Variants in SPINK8 observed in about 807,000 individuals in gnomAD.
The protein encoded by SPINK8 is serine peptidase inhibitor Kazal type 8 (putative).
Under a neutral mutation model 14.4 loss-of-function variants are expected in SPINK8, and 12 were observed. That is an observed-to-expected ratio of 0.83 (90% CI 0.53 to 1.35). The LOEUF is 1.35. Among genes scored for constraint, SPINK8 ranks in the 40% most tolerant of loss-of-function variants. SPINK8 has a pLI of 0.00. For synonymous variants in SPINK8, 32 were observed against 37.6 expected, an observed-to-expected ratio of 0.85 and a Z score of 0.55; for missense variants, 103 against 117.0, an observed-to-expected ratio of 0.88 and a Z score of 0.55.
At chr3:48,313,563 C>T (rs1272856564) in intron 6 of SPINK8, among the ~76,000 whole-genome samples, 1 of 152,168 alleles carries the variant, frequency 6.6e-6, no homozygotes, top group African/African-American at 2.4e-5. Context: ...GATGGTTCCT[C>T]AAAAAGTTAA....
chr3:48,320,358 G>C (rs575763682), intron 5 of SPINK8, among the ~76,000 whole-genome samples: 9 of 152,184 alleles, frequency 5.9e-5, no homozygotes, highest in Middle Eastern at 3.4e-3. Flanking sequence ...GACCAGCCTG[G>C]CCAACATGGT....
intron 4 of SPINK8, among the ~76,000 whole-genome samples, chr3:48,324,411 T>C (rs2107106160): frequency 6.6e-6 from 1 of 152,288 alleles, no homozygotes; most frequent in Non-Finnish European, 1.5e-5. Flanking sequence ...CAAAATTATG[T>C]CATCTACAAA....
intron 6 of SPINK8, among the ~76,000 whole-genome samples, chr3:48,317,289 G>C (rs569916779): frequency 1.1e-4 from 17 of 152,110 alleles, no homozygotes; most frequent in Non-Finnish European, 2.4e-4. Context: ...AGGAGTTTGA[G>C]ACCAGCCTGG....
chr3:48,329,652 T>G (rs1156644134), intron 2 of SPINK8, among the ~76,000 whole-genome samples: 2 of 152,266 alleles, frequency 1.3e-5, no homozygotes, highest in African/African-American at 2.4e-5. Flanking sequence ...TATTGACTTA[T>G]AGAGGTTCTA....
intron 6 of SPINK8, among the ~76,000 whole-genome samples, chr3:48,318,614 C>A (rs2036026679): frequency 2.0e-5 from 3 of 152,200 alleles, no homozygotes; most frequent in Non-Finnish European, 4.4e-5. Flanking sequence ...AAGTTGTTTA[C>A]CTTACAACTC....
intron 2 of SPINK8, among the ~76,000 whole-genome samples, chr3:48,330,887 G>C (rs1015003262): frequency 5.3e-5 from 8 of 151,722 alleles, no homozygotes; most frequent in Admixed American, 3.9e-4. Context: ...AGTGCTGTTG[G>C]GGGGATTGGC....
chr3:48,313,217 G>A (rs1321920564), intron 6 of SPINK8, among the ~76,000 whole-genome samples: 1 of 152,114 alleles, frequency 6.6e-6, no homozygotes, highest in Non-Finnish European at 1.5e-5. Flanking sequence ...AGAATCGGGG[G>A]AGAAATATTT....
At chr3:48,332,035 C>A (rs1438933715) in intron 2 of SPINK8, among the ~76,000 whole-genome samples, 1 of 152,128 alleles carries the variant, frequency 6.6e-6, no homozygotes, top group East Asian at 1.9e-4. Flanking sequence ...TCCAGTGATA[C>A]CCTTGAAATA....
At chr3:48,307,178 G>A (rs1304280944) in intron 7 of SPINK8, among the ~76,000 whole-genome samples, 175 bp from the exon 8 acceptor site, 6 of 152,220 alleles carry the variant, frequency 3.9e-5, no homozygotes, top group African/African-American at 1.4e-4. Flanking sequence ...CAGAGTGAAA[G>A]TCGGTGGAAA....
At chr3:48,317,147 T>A (rs1292733277) in intron 6 of SPINK8, among the ~76,000 whole-genome samples, 2 of 152,242 alleles carry the variant, frequency 1.3e-5, no homozygotes, top group African/African-American at 2.4e-5. Context: ...GTAATTTGTA[T>A]AACAAAAACA....
chr3:48,333,112 A>C (rs534802093), intron 1 of SPINK8, among the ~76,000 whole-genome samples: 2 of 152,272 alleles, frequency 1.3e-5, no homozygotes, highest in East Asian at 3.9e-4. Context: ...TCACACTTTT[A>C]ACATAATTGT....
chr3:48,309,771 A>G, intron 7 of SPINK8, 133 bp downstream of exon 7: 1 of 1,250,958 alleles, frequency 8.0e-7, no homozygotes, highest in East Asian at 3.5e-5. Flanking sequence ...GGCTTATGGG[A>G]TCTATTATTG....
rs2035910444 is a variant in SPINK8 at position 48,310,463 on chromosome 3, A to G, written c.240-517T>C. ...TAAAAAATGTCCCGACAAACACCAG[A>G]TGGCTTTAGTACTGAATTCTACCAA... is the stretch of plus-strand genomic sequence containing the variant. On this transcript the variant is annotated intron_variant, in intron 6 of 7. Coordinates refer to ENST00000434006, the MANE Select transcript of SPINK8 (RefSeq NM_001080525.3). Among the ~76,000 whole-genome samples, 3 of 150,494 alleles carry G rather than the reference A, an allele frequency of 2.0e-5. No homozygotes were observed. The South Asian group carries it at 6.4e-4, about 32-fold the overall frequency.
At chr3:48,322,660 G>T (rs1249601485) in intron 4 of SPINK8, among the ~76,000 whole-genome samples, 1 of 152,030 alleles carries the variant, frequency 6.6e-6, no homozygotes, top group African/African-American at 2.4e-5. Context: ...CTGTAGATTT[G>T]CTTTTCTGGA....
Position 48,321,066 on chromosome 3 carries a change from G to T in SPINK8, c.76C>A (p.Leu26Ile), listed in dbSNP as rs773200178. Residue 26 changes from leucine (L) to isoleucine (I), a missense_variant, in exon 5 of 8, where the codon CTT (leucine) becomes ATT (isoleucine). Transcript: ENST00000434006. ...TGACCTCTTTCAGAGGCCATAGGAA[G>T]GGGGAAGTCTGGAAGACAAAAGCAC... The part of the protein sequence containing the change: ...MWMAFAIDFP[L>I]PMASERGQLD... 6.3e-7 allele frequency: 1 copy of T among 1,583,646 alleles called. No homozygotes were observed. The highest frequency in any genetic ancestry group is 8.6e-7 in the Non-Finnish European group (1 of 1,163,592).
chr3:48,320,432 A>C (rs1357222181), intron 5 of SPINK8, among the ~76,000 whole-genome samples: 1 of 151,242 alleles, frequency 6.6e-6, no homozygotes, highest in Admixed American at 6.6e-5. Flanking sequence ...CCTGTAGTCC[A>C]AGCTACTCGG....
At chr3:48,329,538 C>G (rs181111355) in intron 2 of SPINK8, among the ~76,000 whole-genome samples, 36 of 152,322 alleles carry the variant, frequency 2.4e-4, no homozygotes, top group African/African-American at 8.2e-4. Flanking sequence ...AAGACGGCTT[C>G]AGATATTGAC....
intron 6 of SPINK8, among the ~76,000 whole-genome samples, chr3:48,310,386 G>C (rs2035909484): frequency 6.6e-6 from 1 of 150,712 alleles, no homozygotes; most frequent in African/African-American, 2.4e-5. Context: ...AACTTAATAA[G>C]AAATAAAAAG....
intron 6 of SPINK8, among the ~76,000 whole-genome samples, chr3:48,316,119 G>T (rs1340082986): frequency 6.6e-6 from 1 of 152,160 alleles, no homozygotes; most frequent in Non-Finnish European, 1.5e-5. Flanking sequence ...AGAAGTGTGG[G>T]ACACTGTCAA....
Sources: allele counts gnomAD v4.1 joint callset (sites outside exome capture counted in the v4.1 genomes callset), GRCh38; gene constraint gnomAD v4.1.1; transcripts MANE v1.5; gene names NCBI Gene and HGNC (gene_info 2026-07-23, HGNC 2026-07-21).